SRPK2: variants seen among roughly 807,000 people sequenced by gnomAD.
SRPK2 encodes SRSF protein kinase 2.
Under a neutral mutation model 90.8 loss-of-function variants are expected in SRPK2, and 21 were observed. The ratio of observed to expected loss-of-function variants is 0.23; its 90% confidence interval spans 0.16 to 0.33. The LOEUF (loss-of-function observed/expected upper bound fraction) is 0.33. SRPK2 is among the 10% of genes least tolerant of loss of function. SRPK2 has a pLI of 1.00. For missense variants in SRPK2, 620 were observed against 869.0 expected (o/e 0.71, Z 3.60); for synonymous variants, 288 against 311.1 (o/e 0.93, Z 0.78).
intron 2 of SRPK2, among the ~76,000 whole-genome samples, chr7:105,325,992 G>A (rs914624070): frequency 2.6e-5 from 4 of 152,182 alleles, no homozygotes; most frequent in Admixed American, 6.5e-5. Context: ...CTTGGCTACC[G>A]GTCCCCTGCC....
chr7:105,155,332 C>T (rs1021273609), intron 7 of SRPK2, among the ~76,000 whole-genome samples: 1 of 152,102 alleles, frequency 6.6e-6, no homozygotes, highest in Non-Finnish European at 1.5e-5. Context: ...ATTACTATTT[C>T]GAGTTTACAA....
chr7:105,135,477 C>T (rs935280532), intron 11 of SRPK2, among the ~76,000 whole-genome samples: 10 of 152,202 alleles, frequency 6.6e-5, no homozygotes, highest in Non-Finnish European at 1.2e-4. Flanking sequence ...GAGCAAGTTC[C>T]GCCCCCACAA....
At chr7:105,363,136 T>C (rs758583251) in intron 2 of SRPK2, among the ~76,000 whole-genome samples, 18 of 152,026 alleles carry the variant, frequency 1.2e-4, no homozygotes, top group South Asian at 2.1e-4. Context: ...TGTATACATA[T>C]GTAATAAAGC....
chr7:105,353,105 G>T (rs1435363597), intron 2 of SRPK2, among the ~76,000 whole-genome samples: 1 of 152,086 alleles, frequency 6.6e-6, no homozygotes, highest in Non-Finnish European at 1.5e-5. Flanking sequence ...AAATGAAAGG[G>T]TTAGATTAAG....
At chr7:105,363,411 A>G (rs1262395204) in intron 2 of SRPK2, among the ~76,000 whole-genome samples, 1 of 152,190 alleles carries the variant, frequency 6.6e-6, no homozygotes, top group East Asian at 1.9e-4. Flanking sequence ...TATGCAACCA[A>G]CAGACACATG....
intron 7 of SRPK2, among the ~76,000 whole-genome samples, chr7:105,159,466 A>AACAAAAAAAC (rs1554428677): frequency 3.5e-5 from 4 of 114,232 alleles, no homozygotes; most frequent in Non-Finnish European, 5.5e-5. Flanking sequence ...AAAAAAAAAA[A>AACAAAAAAAC]AAAAAAACCG....
At chr7:105,301,531 G>A (rs1358520874) in intron 2 of SRPK2, 14 of 1,510,528 alleles carry the variant, frequency 9.3e-6, no homozygotes, top group African/African-American at 2.7e-5. Flanking sequence ...GAGTGCCAAC[G>A]AGGACCAGGA....
intron 2 of SRPK2, among the ~76,000 whole-genome samples, chr7:105,205,513 TCTCTCACACACACACACACACA>T (rs1369317598): frequency 2.6e-4 from 16 of 61,208 alleles, no homozygotes; most frequent in Admixed American, 1.4e-3. Flanking sequence ...TCTCTCTCTC[TCTCTCACACACACACACACACA>T]CACACACACA....
At chr7:105,310,368 C>T (rs967743876) in intron 2 of SRPK2, among the ~76,000 whole-genome samples, 2 of 152,134 alleles carry the variant, frequency 1.3e-5, no homozygotes, top group African/African-American at 2.4e-5. Flanking sequence ...GTTCTCTTTA[C>T]TAAAGAAATA....
intron 2 of SRPK2, among the ~76,000 whole-genome samples, chr7:105,231,559 G>A (rs551131133): frequency 3.2e-4 from 48 of 152,110 alleles, no homozygotes; most frequent in African/African-American, 1.1e-3. Context: ...CCTTTTCTCC[G>A]CAATCTCGCC....
At chr7:105,213,725 T>G (rs1797125218) in intron 2 of SRPK2, among the ~76,000 whole-genome samples, 1 of 152,188 alleles carries the variant, frequency 6.6e-6, no homozygotes, top group Admixed American at 6.5e-5. Flanking sequence ...TTGTAGACAA[T>G]CTGAAGCCAG....
chr7:105,331,917 G>C (rs1000486125), intron 2 of SRPK2, among the ~76,000 whole-genome samples: 2 of 152,108 alleles, frequency 1.3e-5, no homozygotes, highest in Admixed American at 6.6e-5. Context: ...TCAGCACTTT[G>C]GGAAGCCAAG....
intron 6 of SRPK2, 85 bp downstream of exon 6, chr7:105,167,292 A>G (rs1790200873): frequency 2.8e-6 from 3 of 1,066,394 alleles, no homozygotes; most frequent in Middle Eastern, 2.1e-4. Flanking sequence ...AAGGTGATAC[A>G]GCAGTAAACA....
chr7:105,394,928 T>C (rs763108040), intron 1 of SRPK2, among the ~76,000 whole-genome samples: 1 of 152,184 alleles, frequency 6.6e-6, no homozygotes, highest in Non-Finnish European at 1.5e-5. Flanking sequence ...CCCAGCCCTT[T>C]GGGAGGCCAA....
At chr7:105,270,443 C>T (rs1294953266) in intron 2 of SRPK2, among the ~76,000 whole-genome samples, 5 of 148,248 alleles carry the variant, frequency 3.4e-5, no homozygotes, top group Admixed American at 6.8e-5. Context: ...GAATTTCACT[C>T]GTTGCCCAGG....
At chr7:105,313,617 G>C (rs528017013) in intron 2 of SRPK2, among the ~76,000 whole-genome samples, 1 of 151,958 alleles carries the variant, frequency 6.6e-6, no homozygotes, top group Non-Finnish European at 1.5e-5. Context: ...CAGGTGTGGC[G>C]TCGTGGACCT....
At chr7:105,161,704 A>C (rs1028945203) in intron 6 of SRPK2, among the ~76,000 whole-genome samples, 1 of 152,220 alleles carries the variant, frequency 6.6e-6, no homozygotes, top group African/African-American at 2.4e-5. Context: ...TGCCTGCCTA[A>C]ATTTCTACTT....
intron 2 of SRPK2, among the ~76,000 whole-genome samples, chr7:105,350,051 T>C (rs1816970456): frequency 6.6e-6 from 1 of 151,094 alleles, no homozygotes; most frequent in Non-Finnish European, 1.5e-5. Context: ...AGTGCCTGTC[T>C]TAATACAGCA....
At chr7:105,357,800 G>C (rs944658571) in intron 2 of SRPK2, among the ~76,000 whole-genome samples, 3 of 151,874 alleles carry the variant, frequency 2.0e-5, no homozygotes, top group African/African-American at 7.3e-5. Flanking sequence ...AAAGATAAAT[G>C]AGGCTTTGGA....
Sources: allele counts gnomAD v4.1 joint callset (sites outside exome capture counted in the v4.1 genomes callset), GRCh38; gene constraint gnomAD v4.1.1; transcripts MANE v1.5; gene names NCBI Gene and HGNC (gene_info 2026-07-23, HGNC 2026-07-21).